The following CDH26 variants were observed in gnomAD, a reference collection of about 807,000 sequenced individuals.
CDH26 encodes the protein cadherin 26.
In CDH26, 83 loss-of-function variants were observed where a neutral mutation model predicts 90.3. The ratio of observed to expected loss-of-function variants is 0.92; its 90% CI spans 0.77 to 1.10. The LOEUF (loss-of-function observed/expected upper bound fraction) is 1.10. CDH26 is among the 50% of genes least tolerant of loss of function. The pLI, the probability that CDH26 is intolerant of heterozygous loss-of-function variation, is 0.00. For synonymous variants in CDH26, 397 were observed against 396.3 expected (o/e 1.00, Z -0.02); for missense variants, 1,013 against 1,037.6 (o/e 0.98, Z 0.33).
chr20:59,959,643 G>A (rs879450970), intron 1 of CDH26, among the ~76,000 whole-genome samples: 1 of 152,180 alleles, frequency 6.6e-6, no homozygotes, highest in South Asian at 2.1e-4. Flanking sequence ...CAAGTGATCT[G>A]CCTGCCTCAG....
chr20:59,959,895 T>G (rs1049785840), intron 1 of CDH26, among the ~76,000 whole-genome samples: 2 of 152,182 alleles, frequency 1.3e-5, no homozygotes, highest in African/African-American at 4.8e-5. Flanking sequence ...TGTTTGTACT[T>G]AGAGTGGACA....
At position 59,992,461 on chromosome 20, in the gene CDH26, G is replaced by T. The variant is rs1397050057; in HGVS notation, c.1367G>T (p.Arg456Leu). ...GTCATCACCGTGGAGCCAATTGACC[G>T]AGAATCCCCTCATGTAAATAACAGT... ...GVVITVEPID[R>L]ESPHVNNSFY... The change falls in exon 10 of 18, where the codon CGA (arginine) becomes CTA (leucine). Residue 456 changes from arginine to leucine, a missense_variant. Transcript: ENST00000348616. This position sits in a 1 kb window ranked among gnomAD's most constrained non-coding sequence, Gnocchi z 5.0. The T allele has an allele frequency of 1.2e-6, 2 of 1,614,090 alleles. No homozygotes were observed. The highest frequency in any genetic ancestry group is 4.5e-5 in the East Asian group (2 of 44,874).
At position 60,024,046 on chromosome 20, in the gene CDH26, C is replaced by T. The variant is rs780595806; in HGVS notation, c.948-7185C>T. On this transcript the variant is annotated intron_variant, in intron 7 of 8. Coordinates refer to the CDH26 transcript ENST00000370991. ...AAACCAGAAGTTTCAGCATTAAAAACGTGTCTTCACAGAAGAGCTCACCGG... is the reference window on the plus strand; with the variant it reads ...AAACCAGAAGTTTCAGCATTAAAAATGTGTCTTCACAGAAGAGCTCACCGG... Among the ~76,000 whole-genome samples, 17 of 152,148 alleles carry T rather than the reference C, an allele frequency of 1.1e-4. No individual in the cohort carries two copies. The East Asian group carries it at 1.9e-3, about 17-fold the overall frequency.
intron 16 of CDH26, 78 bp downstream of exon 16, chr20:60,002,944 T>C: frequency 9.2e-7 from 1 of 1,089,682 alleles, no homozygotes; most frequent in Non-Finnish European, 1.3e-6. Flanking sequence ...TCCCTGAAAA[T>C]TGGAAATTTG....
intron 17 of CDH26, among the ~76,000 whole-genome samples, chr20:60,010,743 G>T (rs886097981): frequency 3.3e-5 from 5 of 152,230 alleles, no homozygotes; most frequent in Non-Finnish European, 7.3e-5. Context: ...ATGGTGAGAA[G>T]AGGGCTGTTT....
intron 17 of CDH26, among the ~76,000 whole-genome samples, chr20:60,011,419 T>C (rs1466837661): frequency 6.6e-6 from 1 of 152,226 alleles, no homozygotes; most frequent in African/African-American, 2.4e-5. Context: ...GGATTTGGCG[T>C]GCTTGTTATT....
At chr20:60,001,510 G>A in intron 15 of CDH26, 99 bp downstream of exon 15, 1 of 1,503,920 alleles carries the variant, frequency 6.6e-7, no homozygotes, top group Non-Finnish European at 8.9e-7. Flanking sequence ...CGGTGATACT[G>A]TCAGAAAAAG....
At chr20:59,990,509 C>G (rs545144764) in intron 9 of CDH26, among the ~76,000 whole-genome samples, 1 of 152,284 alleles carries the variant, frequency 6.6e-6, no homozygotes, top group Non-Finnish European at 1.5e-5. Flanking sequence ...CTCCTTACAG[C>G]AACACTTCTC....
intron 15 of CDH26, among the ~76,000 whole-genome samples, chr20:60,002,458 G>T (rs780024028): frequency 1.3e-5 from 2 of 151,896 alleles, no homozygotes; most frequent in Non-Finnish European, 2.9e-5. Flanking sequence ...TGAACAAAGG[G>T]CCCCCAACTT....
chr20:59,973,751 T>A (rs184312934), intron 4 of CDH26, among the ~76,000 whole-genome samples: 87 of 152,356 alleles, frequency 5.7e-4, no homozygotes, highest in Non-Finnish European at 1.1e-3. Flanking sequence ...TGCATAGTAT[T>A]CCATGGTGTA....
chr20:60,034,514 G>A (rs1443244183), downstream of CDH26, among the ~76,000 whole-genome samples: 1 of 152,156 alleles, frequency 6.6e-6, no homozygotes, highest in Non-Finnish European at 1.5e-5. Context: ...TACCAGGGAG[G>A]GTGGCTAAAA....
intron 1 of CDH26, among the ~76,000 whole-genome samples, chr20:59,963,252 ATT>A (rs11086689): frequency 5.2e-4 from 64 of 122,892 alleles, no homozygotes; most frequent in African/African-American, 1.3e-3. Flanking sequence ...GTAGATAAGG[ATT>A]TTTTTTTTTT....
In CDH26 at chr20:59,992,617, G is replaced by C; in HGVS notation, c.1426+97G>C. ...GCGTCTTTCAGCACAGCAGAGAAAA[G>C]GATAAAATAAACCTTGTTATCACTC... is the stretch of plus-strand genomic sequence containing the variant. On this transcript the variant is annotated intron_variant, in intron 10 of 17. Transcript: ENST00000348616. The surrounding 1 kb of genome is among the most constrained non-coding windows in gnomAD (Gnocchi z 5.0). 8.0e-7 allele frequency: 1 copy of C among 1,247,326 alleles called. No homozygotes were observed. The highest frequency in any genetic ancestry group is 1.1e-6 in the Non-Finnish European group (1 of 872,568). The allele number at this position is 1,247,326 out of a possible 1,614,324, so 77.3% of individuals were successfully genotyped here. A position where few individuals can be genotyped will look rare whatever the true frequency, so the allele number is the denominator to read the frequency against.
At chr20:59,982,769 A>G (rs140688138) in intron 4 of CDH26, among the ~76,000 whole-genome samples, 154 bp from the exon 5 acceptor site, 2 of 152,092 alleles carry the variant, frequency 1.3e-5, no homozygotes, top group South Asian at 2.1e-4. Context: ...TCTCTGGGGT[A>G]CTTGGTAAAT....
intron 17 of CDH26, among the ~76,000 whole-genome samples, chr20:60,010,278 C>CT (rs2061815390): frequency 6.6e-6 from 1 of 152,108 alleles, no homozygotes; most frequent in African/African-American, 2.4e-5. Flanking sequence ...CAGAGCTGCC[C>CT]TTTCCAGGCC....
In CDH26 at chr20:60,001,060, T is replaced by C. The variant is rs139478890; in HGVS notation, c.2098-283T>C. The stretch of plus-strand genomic sequence containing the variant: ...CTTCTAGATGTCATCTGCGTGTCTA[T>C]GCAGTTTTCAGGTGTCTGTGTCATG... On this transcript the variant is annotated intron_variant, in intron 14 of 17. Coordinates refer to ENST00000348616, the MANE Select transcript of CDH26 (RefSeq NM_177980.4). 1.1e-3 allele frequency among the ~76,000 whole-genome samples: 174 copies of C among 152,354 alleles called. 1 individual carries two copies. Among genetic ancestry groups the C allele is most frequent in the African/African-American group, 3.7e-3 (153 of 41,590 alleles).
intron 7 of CDH26, among the ~76,000 whole-genome samples, 196 bp from the exon 8 acceptor site, chr20:59,987,257 G>A (rs1186024620): frequency 6.6e-6 from 1 of 152,224 alleles, no homozygotes; most frequent in Non-Finnish European, 1.5e-5. Flanking sequence ...ACCTTCTGCT[G>A]TAACAGACGG....
At chr20:60,009,412 A>G (rs962758947) in intron 17 of CDH26, among the ~76,000 whole-genome samples, 1 of 152,186 alleles carries the variant, frequency 6.6e-6, no homozygotes, top group East Asian at 1.9e-4. Context: ...TATCCAGCTT[A>G]CCCATTTTCA....
chr20:60,009,102 C>A (rs75606074), intron 17 of CDH26, among the ~76,000 whole-genome samples: 10 of 152,174 alleles, frequency 6.6e-5, no homozygotes, highest in African/African-American at 2.4e-4. Flanking sequence ...ACTGAAGAAG[C>A]AATGAAAGAA....
Sources: allele counts gnomAD v4.1 joint callset (sites outside exome capture counted in the v4.1 genomes callset), GRCh38; gene constraint gnomAD v4.1.1; non-coding constraint Gnocchi (gnomAD v3.1); transcripts MANE v1.5; gene names NCBI Gene and HGNC (gene_info 2026-07-23, HGNC 2026-07-21).